The following DYNC1H1 variants were observed in gnomAD, a reference collection of about 807,000 sequenced individuals.
DYNC1H1 encodes cytoplasmic dynein 1 heavy chain 1.
DYNC1H1 carries 51 observed loss-of-function variants against 527.1 expected under a neutral mutation model. The observed-to-expected ratio is 0.10, with a 90% CI of 0.08 to 0.12. The LOEUF is 0.12. Among genes scored for constraint, DYNC1H1 ranks in the 10% least tolerant of loss-of-function variants. The pLI, the probability that DYNC1H1 is intolerant of heterozygous loss-of-function variation, is 1.00. For synonymous variants in DYNC1H1, 2,189 were observed against 2,278.8 expected, an observed-to-expected ratio of 0.96 and a Z score of 1.12; for missense variants, 2,771 against 5,971.8, an observed-to-expected ratio of 0.46 and a Z score of 17.66.
Position 102,005,377 on chromosome 14 carries a change from T to A in DYNC1H1, c.5433+141T>A. The A allele has an allele frequency of 8.4e-7, 1 of 1,194,778 alleles. No homozygotes were observed. Among genetic ancestry groups the A allele is most frequent in the Non-Finnish European group, 1.2e-6 (1 of 813,754 alleles). The allele number at this position is 1,194,778 out of a possible 1,614,324, so 74.0% of individuals were successfully genotyped here. A position where few individuals can be genotyped will look rare whatever the true frequency, so the allele number is the denominator to read the frequency against. The stretch of plus-strand genomic sequence containing the variant: ...ATGGTGTATGGATATCCTCTGAGGG[T>A]GGGCATTTGGCTCCCTGTCCCTGTT... On this transcript the variant is annotated intron_variant, in intron 26 of 77. Transcript: ENST00000360184. This position sits in a 1 kb window ranked among gnomAD's most constrained non-coding sequence, Gnocchi z 4.0.
At chr14:102,009,116 G>C (rs1765333638) in intron 29 of DYNC1H1, among the ~76,000 whole-genome samples, 1 of 152,154 alleles carries the variant, frequency 6.6e-6, no homozygotes, top group Admixed American at 6.5e-5. Flanking sequence ...AGCTGTCGGA[G>C]AGGCCCCAGG....
chr14:101,986,728 C>T lies in DYNC1H1; in HGVS notation c.2503C>T (p.Arg835Cys), dbSNP rs2047941482. The T allele has an allele frequency of 1.2e-6, 2 of 1,614,182 alleles. No individual in the cohort carries two copies. Among genetic ancestry groups the T allele is most frequent in the Non-Finnish European group, 1.7e-6 (2 of 1,180,042 alleles). The stretch of plus-strand genomic sequence containing the variant: ...CTACAAACTTGACCCATATGTACAG[C>T]GCTTAGCAGAGACTGTCTTCAACTT... ...ESYKLDPYVQRLAETVFNFQE... is the reference protein window; with the variant it reads ...ESYKLDPYVQCLAETVFNFQE... Residue 835 changes from arginine to cysteine, a missense_variant, in exon 8 of 78, where the codon CGC becomes TGC. By Grantham distance (180) the Arg-to-Cys change is radical (BLOSUM62 -3). This residue lies in a region of DYNC1H1 where 179 missense variants were observed against 349.4 expected (regional missense o/e 0.51). Transcript: ENST00000360184. This position sits in a 1 kb window ranked among gnomAD's most constrained non-coding sequence, Gnocchi z 8.7.
chr14:101,992,717 C>A (rs1308716660), intron 11 of DYNC1H1, among the ~76,000 whole-genome samples: 1 of 152,148 alleles, frequency 6.6e-6, no homozygotes, highest in Non-Finnish European at 1.5e-5. Flanking sequence ...GCCCATAGCC[C>A]CACCCTGCTG....
In DYNC1H1 at chr14:102,015,339, C is replaced by T; in HGVS notation, c.7242+7C>T. The T allele has an allele frequency of 6.2e-7, 1 of 1,605,574 alleles. No individual in the cohort carries two copies. Among genetic ancestry groups the T allele is most frequent in the East Asian group, 2.2e-5 (1 of 44,618 alleles). ...CGCTTCCCCCATGCTGCAGGTACGC[C>T]CAGGTGGGACCCCACATATCATGAC... On this transcript the variant is annotated splice_region_variant and intron_variant, in intron 35 of 77. Coordinates refer to ENST00000360184, the MANE Select transcript of DYNC1H1 (RefSeq NM_001376.5). The surrounding 1 kb of genome is among the most constrained non-coding windows in gnomAD (Gnocchi z 6.9).
rs142900209 is a variant in DYNC1H1, at chr14:102,044,424, G to A, written c.12835G>A (p.Asp4279Asn). Residue 4279 changes from aspartate (D) to asparagine (N), a missense_variant, in exon 71 of 78, where the codon GAC becomes AAC. Physicochemically the swap from Asp to Asn is conservative, Grantham distance 23. This residue lies in a region of DYNC1H1 where 195 missense variants were observed against 428.6 expected (regional missense o/e 0.45). Transcript: ENST00000360184. This position sits in a 1 kb window ranked among gnomAD's most constrained non-coding sequence, Gnocchi z 7.1. Reference sequence around the variant, plus strand: ...GCGCCTGTTCACAACCAGGAGTTTCGACAGTGAGTTTAAGCTGGCATGCAA... The same window carrying A: ...GCGCCTGTTCACAACCAGGAGTTTCAACAGTGAGTTTAAGCTGGCATGCAA... ...LERLFTTRSFDSEFKLACKVD... is the reference protein window; with the variant it reads ...LERLFTTRSFNSEFKLACKVD... 1.9e-5 allele frequency: 30 copies of A among 1,614,030 alleles called. No individual in the cohort carries two copies. In the South Asian group the frequency reaches 2.0e-4, roughly 11 times the overall value.
At chr14:101,971,508 C>T (rs1011189415) in intron 1 of DYNC1H1, among the ~76,000 whole-genome samples, 5 of 152,310 alleles carry the variant, frequency 3.3e-5, no homozygotes, top group Admixed American at 2.0e-4. Flanking sequence ...AGGCAGATCA[C>T]TTGAGCTCAG....
At chr14:102,014,908 C>G (rs2048302667) in intron 34 of DYNC1H1, among the ~76,000 whole-genome samples, 197 bp from the exon 35 acceptor site, 1 of 152,166 alleles carries the variant, frequency 6.6e-6, no homozygotes, top group South Asian at 2.1e-4. Context: ...CTCCACCTCC[C>G]AGGCTCAAGT....
At chr14:102,022,249 C>A (rs2048392952) in intron 42 of DYNC1H1, among the ~76,000 whole-genome samples, 1 of 151,944 alleles carries the variant, frequency 6.6e-6, no homozygotes, top group Non-Finnish European at 1.5e-5. Flanking sequence ...GTAATCCCAG[C>A]ACTTTGGGAG....
At chr14:102,030,616 C>G in intron 51 of DYNC1H1, 1 of 329,802 alleles carries the variant, frequency 3.0e-6, no homozygotes. Flanking sequence ...ACTTGAATTT[C>G]ACCCAGAAAT....
chr14:102,039,651 G>C lies in DYNC1H1; in HGVS notation c.11609G>C (p.Arg3870Pro). 1.9e-6 allele frequency: 3 copies of C among 1,614,086 alleles called. No individual in the cohort carries two copies. The highest frequency in any genetic ancestry group is 2.5e-6 in the Non-Finnish European group (3 of 1,180,020). ...TKDLFQVAFNRVARGMLHQDH... is the reference protein window; with the variant it reads ...TKDLFQVAFNPVARGMLHQDH... ...CTCTTGTCCCAGGTGGCGTTTAACC[G>C]AGTGGCTCGAGGCATGCTGCATCAG... The change falls in exon 62 of 78, where the codon CGA becomes CCA. Residue 3870 changes from arginine (R) to proline (P), a missense_variant. Physicochemically the swap from Arg to Pro is moderately radical, Grantham distance 103. Around this residue, in one of 32 missense-constraint regions of DYNC1H1, gnomAD observed 283 missense variants for 737.6 expected, o/e 0.38. Transcript: ENST00000360184. The surrounding 1 kb of genome is among the most constrained non-coding windows in gnomAD (Gnocchi z 7.0).
chr14:101,964,706 GGGC>G lies in DYNC1H1; in HGVS notation c.26_28del (p.Gly9del), dbSNP rs1566991003. Reference sequence around the variant, plus strand: ...AGCGCGACACCATGTCGGAGCCCGGGGGCGGCGGCGGCGAGGACGGCTCGGCCG... The same window carrying G: ...AGCGCGACACCATGTCGGAGCCCGGGGGCGGCGGCGAGGACGGCTCGGCCG... On this transcript the variant is annotated inframe_deletion, in exon 1 of 78. Transcript: ENST00000360184. This position sits in a 1 kb window ranked among gnomAD's most constrained non-coding sequence, Gnocchi z 5.5. 2 of 1,595,398 alleles carry G rather than the reference GGGC, an allele frequency of 1.3e-6. No homozygotes were observed. The highest frequency in any genetic ancestry group is 1.1e-5 in the South Asian group (1 of 89,908).
intron 43 of DYNC1H1, among the ~76,000 whole-genome samples, chr14:102,025,943 C>T (rs900354310): frequency 2.6e-5 from 4 of 152,066 alleles, no homozygotes; most frequent in African/African-American, 7.2e-5. Context: ...TGGTGAAACC[C>T]GTCTGTACTA....
intron 52 of DYNC1H1, 172 bp downstream of exon 52, chr14:102,032,639 C>T: frequency 1.1e-6 from 1 of 869,792 alleles, no homozygotes. Context: ...AGTGCTTGAG[C>T]CTAGGAGTTA....
Position 102,015,125 on chromosome 14 carries a change from A to G in DYNC1H1, c.7035A>G (p.Val2345=). 3.7e-6 allele frequency: 6 copies of G among 1,614,242 alleles called. No homozygotes were observed. Among genetic ancestry groups the G allele is most frequent in the Non-Finnish European group, 5.1e-6 (6 of 1,180,038 alleles). ...TCAAGGTGAGAATAATGTTTGAGGT[A>G]CAGGACTTGAAATACGCGACCTTGG... The part of the protein sequence containing the change: ...LPPNVRIMFE[V]QDLKYATLAT... Residue 2345 remains valine, a synonymous_variant, in exon 35 of 78, where the codon GTA becomes GTG. Coordinates refer to ENST00000360184, the MANE Select transcript of DYNC1H1 (RefSeq NM_001376.5). This position sits in a 1 kb window ranked among gnomAD's most constrained non-coding sequence, Gnocchi z 6.9.
rs545845388 is a variant in DYNC1H1 at position 101,970,147 on chromosome 14, C to T, written c.256+5200C>T. On this transcript the variant is annotated intron_variant, in intron 1 of 77. Coordinates refer to ENST00000360184, the MANE Select transcript of DYNC1H1 (RefSeq NM_001376.5). ...TCTTTTCGGGAAATACCAAAATGAG[C>T]TCCAGTTTACGTTAAATATAAGTAT... 2.6e-4 allele frequency among the ~76,000 whole-genome samples: 40 copies of T among 152,222 alleles called. 1 individual carries two copies. The highest frequency in any genetic ancestry group is 9.2e-4 in the African/African-American group (38 of 41,516).
intron 42 of DYNC1H1, among the ~76,000 whole-genome samples, chr14:102,021,667 T>C (rs2048386802): frequency 1.3e-5 from 2 of 148,818 alleles, no homozygotes; most frequent in Non-Finnish European, 3.0e-5. Context: ...TTTTTTTTTT[T>C]TTTTTTTTTG....
intron 56 of DYNC1H1, chr14:102,035,412 G>A (rs1567019934): frequency 1.3e-5 from 2 of 152,306 alleles, no homozygotes; most frequent in African/African-American, 4.8e-5. Context: ...TAGGTGCCGA[G>A]AGGGTTCCAC....
In DYNC1H1 at chr14:101,994,640, A is replaced by G. The variant is rs201923824; in HGVS notation, c.3157-33A>G. ...CCAGTATTCTACAAAATGAAAACTC[A>G]AACTATTATTTAACTGTGTTCTTCA... On this transcript the variant is annotated intron_variant, in intron 12 of 77. Coordinates refer to ENST00000360184, the MANE Select transcript of DYNC1H1 (RefSeq NM_001376.5). The G allele has an allele frequency of 8.5e-5, 137 of 1,612,996 alleles. No individual in the cohort carries two copies. In the African/African-American group the frequency reaches 1.7e-3, roughly 20 times the overall value.
At chr14:102,019,862 C>T (rs750442599) in intron 41 of DYNC1H1, 31 bp from the exon 42 acceptor site, 14 of 1,613,620 alleles carry the variant, frequency 8.7e-6, no homozygotes, top group South Asian at 6.6e-5. Flanking sequence ...AAGATATTTA[C>T]GTGTACCTTC....
Sources: gnomAD v4.1 joint callset for allele counts (sites outside exome capture counted in the v4.1 genomes callset) on GRCh38, gnomAD v4.1.1 for gene constraint, gnomAD v4.1.1 regional missense constraint, Gnocchi (gnomAD v3.1) non-coding constraint, MANE v1.5 for transcripts, NCBI Gene and HGNC (gene_info 2026-07-23, HGNC 2026-07-21) for gene names.